The following GNLY variants were observed in gnomAD, a reference collection of about 807,000 sequenced individuals.
GNLY encodes the protein granulysin.
GNLY carries 15 observed loss-of-function variants against 18.5 expected under a neutral mutation model. That is an observed-to-expected ratio of 0.81 (90% CI 0.54 to 1.25). GNLY has a LOEUF of 1.25. GNLY is among the 50% of genes most tolerant of loss of function. The pLI, the probability that GNLY is intolerant of heterozygous loss-of-function variation, is 0.00. For synonymous variants in GNLY, 77 were observed against 74.9 expected (o/e 1.03, Z -0.14); for missense variants, 178 against 186.9 (o/e 0.95, Z 0.28).
chr2:85,697,748 C>T, intron 4 of GNLY, 71 bp downstream of exon 4: 1 of 1,057,184 alleles, frequency 9.5e-7, no homozygotes. Flanking sequence ...TATATCAAAG[C>T]TGCCTCCTTA....
chr2:85,694,522 C>T (rs764676106), intron 1 of GNLY, 52 bp downstream of exon 1: 4 of 1,550,038 alleles, frequency 2.6e-6, no homozygotes, highest in Middle Eastern at 1.7e-4. Context: ...GCCTCGCACT[C>T]TCAGGCTGGC....
intron 4 of GNLY, 170 bp from the exon 5 acceptor site, chr2:85,698,394 C>G (rs769437262): frequency 9.6e-7 from 1 of 1,036,876 alleles, no homozygotes; most frequent in Non-Finnish European, 1.5e-6. Flanking sequence ...CTTTTCTATT[C>G]AAGGCCCCAC....
rs764877017 is a variant in GNLY, at chr2:85,694,466, C to T, written c.48C>T (p.Asn16=). Residue 16 remains asparagine, a synonymous_variant, in exon 1 of 5, where the codon AAC becomes AAT. Transcript: ENST00000263863. ...TCCTTGCAGCCATGCTCCTGGGCAACCCAGGTAAGGCCTTCCCCTCGGGAT... is the reference window on the plus strand; with the variant it reads ...TCCTTGCAGCCATGCTCCTGGGCAATCCAGGTAAGGCCTTCCCCTCGGGAT... ...LLLLAAMLLG[N]PGLVFSRLSP... The T allele has an allele frequency of 6.2e-7, 1 of 1,613,884 alleles. No homozygotes were observed. Among genetic ancestry groups the T allele is most frequent in the Non-Finnish European group, 8.5e-7 (1 of 1,179,838 alleles).
At chr2:85,697,722 A>T in intron 4 of GNLY, 45 bp downstream of exon 4, 1 of 1,375,262 alleles carries the variant, frequency 7.3e-7, no homozygotes, top group Non-Finnish European at 1.0e-6. Flanking sequence ...AGGGTTGGAG[A>T]CAGCTTCCCC....
At position 85,698,793 on chromosome 2, in the gene GNLY, G is replaced by A; in HGVS notation, c.*219G>A. ...TCTTTGGTGGATTTGAGGGGTGGGT[G>A]TCAGTGGCATGCTGGGGTGAGCTGT... On this transcript the variant is annotated 3_prime_UTR_variant, in exon 5 of 5. Coordinates refer to ENST00000263863, the MANE Select transcript of GNLY (RefSeq NM_006433.5). The A allele has an allele frequency of 6.7e-7, 1 of 1,496,284 alleles. No individual in the cohort carries two copies. The highest frequency in any genetic ancestry group is 8.9e-7 in the Non-Finnish European group (1 of 1,124,444). The allele number at this position is 1,496,284 out of a possible 1,614,324, so 92.7% of individuals were successfully genotyped here. A position where few individuals can be genotyped will look rare whatever the true frequency, so the allele number is the denominator to read the frequency against.
At position 85,696,032 on chromosome 2, in the gene GNLY, G is replaced by A. The variant is rs777469496; in HGVS notation, c.231G>A (p.Lys77=). ...RTCLTIVQKL[K]KMVDKPTQRS... ...GTCTGACGATAGTCCAAAAACTGAA[G>A]AAGATGGTGGATAAGCCCACCCAGG... Residue 77 remains lysine, a synonymous_variant, in exon 3 of 5, where the codon AAG becomes AAA. Transcript: ENST00000263863. 1.2e-6 allele frequency: 2 copies of A among 1,606,532 alleles called. No individual in the cohort carries two copies. Among genetic ancestry groups the A allele is most frequent in the South Asian group, 2.2e-5 (2 of 90,678 alleles).
chr2:85,697,937 C>T (rs1190370168), intron 4 of GNLY, among the ~76,000 whole-genome samples: 2 of 151,450 alleles, frequency 1.3e-5, no homozygotes, highest in East Asian at 3.8e-4. Flanking sequence ...CCTCTCTGAG[C>T]TTCAGTTTCT....
chr2:85,694,857 C>T, intron 1 of GNLY: 1 of 1,530,248 alleles, frequency 6.5e-7, no homozygotes, highest in Non-Finnish European at 8.7e-7. Context: ...GGTGAGAGAA[C>T]AAGATCTCTT....
At position 85,697,557 on chromosome 2, in the gene GNLY, T is replaced by A. The variant is rs755838992; in HGVS notation, c.307T>A (p.Trp103Arg). The A allele has an allele frequency of 9.3e-6, 15 of 1,613,096 alleles. No homozygotes were observed. The highest frequency in any genetic ancestry group is 1.3e-5 in the African/African-American group (1 of 74,880). Residue 103 changes from tryptophan to arginine, a missense_variant, in exon 4 of 5, where the codon TGG becomes AGG. By Grantham distance (101) the Trp-to-Arg change is moderately radical. Transcript: ENST00000263863. ...TRVCRTGRSR[W>R]RDVCRNFMRR... The stretch of plus-strand genomic sequence containing the variant: ...GGTGTGTAGGACGGGGAGGTCACGA[T>A]GGCGCGACGTCTGCAGAAATTTCAT...
rs188617700 is a variant in GNLY at position 85,694,848 on chromosome 2, G to T, written c.52+378G>T. 3 of 1,525,448 alleles carry T rather than the reference G, an allele frequency of 2.0e-6. No individual in the cohort carries two copies. The African/African-American group carries it at 4.1e-5, about 21-fold the overall frequency. 94.5% of individuals were successfully genotyped at this position (1,525,448 alleles called of 1,614,324 possible). Reference sequence around the variant, plus strand: ...CACTGTCTAGGATTGTGCGGGGCTGGTGAGAGAACAAGATCTCTTCTGTGT... The same window carrying T: ...CACTGTCTAGGATTGTGCGGGGCTGTTGAGAGAACAAGATCTCTTCTGTGT... On this transcript the variant is annotated intron_variant, in intron 1 of 4. Coordinates refer to ENST00000263863, the MANE Select transcript of GNLY (RefSeq NM_006433.5).
intron 4 of GNLY, 176 bp from the exon 5 acceptor site, chr2:85,698,388 T>C (rs1379220333): frequency 1.0e-6 from 1 of 981,218 alleles, no homozygotes; most frequent in Non-Finnish European, 1.6e-6. Context: ...TTGTGGCTTT[T>C]CTATTCAAGG....
At chr2:85,695,239 C>A in intron 1 of GNLY, 81 bp from the exon 2 acceptor site, 1 of 1,045,306 alleles carries the variant, frequency 9.6e-7, no homozygotes, top group East Asian at 2.5e-5. Flanking sequence ...TGGTCACCTC[C>A]TGGACTCCCA....
intron 1 of GNLY, 112 bp from the exon 2 acceptor site, chr2:85,695,208 C>T: frequency 1.2e-6 from 1 of 866,264 alleles, no homozygotes; most frequent in Non-Finnish European, 1.9e-6. Flanking sequence ...CCCTGCAAGG[C>T]CCAGCTCCTG....
At chr2:85,698,098 G>C (rs1678530190) in intron 4 of GNLY, among the ~76,000 whole-genome samples, 1 of 152,218 alleles carries the variant, frequency 6.6e-6, no homozygotes, top group African/African-American at 2.4e-5. Flanking sequence ...TCCAATCCCA[G>C]CCCAGCACAG....
rs556937472 is a variant in GNLY at position 85,696,400 on chromosome 2, G to A, written c.255+344G>A. ...AGAAGCTAGTTCCCCAAGAGGCCTG[G>A]GTCAGGACTGATAAATCCCAGATCT... On this transcript the variant is annotated intron_variant, in intron 3 of 4. Transcript: ENST00000263863. The A allele has an allele frequency of 9.1e-4, 216 of 237,350 alleles. 1 individual carries two copies. Among genetic ancestry groups the A allele is most frequent in the South Asian group, 1.6e-3 (20 of 12,698 alleles). 14.7% of individuals were successfully genotyped at this position (237,350 alleles called of 1,614,324 possible). A position where few individuals can be genotyped will look rare whatever the true frequency, so the allele number is the denominator to read the frequency against.
At chr2:85,696,265 G>A in intron 3 of GNLY, 1 of 556,976 alleles carries the variant, frequency 1.8e-6, no homozygotes, top group Non-Finnish European at 3.2e-6. Flanking sequence ...GTGTAAGTCA[G>A]ACGGCAGAGT....
chr2:85,696,167 G>A (rs1678442599), intron 3 of GNLY, 111 bp downstream of exon 3: 1 of 631,470 alleles, frequency 1.6e-6, no homozygotes, highest in Non-Finnish European at 2.8e-6. Context: ...TGATCCTGGG[G>A]GAGGGCTTCC....
intron 3 of GNLY, chr2:85,696,813 C>T (rs13408224): frequency 0.42 from 64,835 of 152,658 alleles, 13,956 homozygotes; most frequent in East Asian, 0.59. Flanking sequence ...TGTGGGATTA[C>T]AGGCATGAGC....
chr2:85,695,246 C>A, intron 1 of GNLY, 74 bp from the exon 2 acceptor site: 1 of 1,098,184 alleles, frequency 9.1e-7, no homozygotes, highest in Non-Finnish European at 1.4e-6. Context: ...CTCCTGGACT[C>A]CCACCAGCCA....
Sources: gnomAD v4.1 joint callset for allele counts (sites outside exome capture counted in the v4.1 genomes callset) on GRCh38, gnomAD v4.1.1 for gene constraint, MANE v1.5 for transcripts, NCBI Gene and HGNC (gene_info 2026-07-23, HGNC 2026-07-21) for gene names.